MAD1L1: variants seen among roughly 807,000 people sequenced by gnomAD.
MAD1L1 encodes mitotic arrest deficient 1 like 1, also known as mitotic spindle assembly checkpoint protein MAD1.
In MAD1L1, 95 loss-of-function variants were observed where a neutral mutation model predicts 96.9. The observed-to-expected ratio is 0.98, with a 90% CI of 0.83 to 1.16. The LOEUF (loss-of-function observed/expected upper bound fraction) is 1.16, where lower values mean the gene tolerates loss of function less well. Ranked by LOEUF, MAD1L1 falls within the 50% of genes most tolerant of loss-of-function variation. The pLI is 0.00. For synonymous variants in MAD1L1, 473 were observed against 396.6 expected (o/e 1.19, Z -2.29); for missense variants, 1,007 against 954.4 (o/e 1.06, Z -0.73).
intron 15 of MAD1L1, among the ~76,000 whole-genome samples, chr7:1,975,999 C>G (rs1329369727): frequency 6.6e-6 from 1 of 152,202 alleles, no homozygotes; most frequent in Non-Finnish European, 1.5e-5. Flanking sequence ...CAGATTTGTT[C>G]TGGCTGAAAG....
At chr7:2,218,267 C>T (rs1184069009) in intron 6 of MAD1L1, among the ~76,000 whole-genome samples, 2 of 152,144 alleles carry the variant, frequency 1.3e-5, no homozygotes, top group Non-Finnish European at 2.9e-5. Flanking sequence ...GCTCTCAGGC[C>T]TCAGTCTGCT....
intron 12 of MAD1L1, among the ~76,000 whole-genome samples, chr7:2,045,457 G>C (rs1413851399): frequency 6.6e-6 from 1 of 152,202 alleles, no homozygotes; most frequent in African/African-American, 2.4e-5. Context: ...CCTCTCGGGA[G>C]CCCGCAGGGT....
At chr7:1,876,290 G>T (rs922801165) in intron 18 of MAD1L1, among the ~76,000 whole-genome samples, 1 of 152,056 alleles carries the variant, frequency 6.6e-6, no homozygotes, top group African/African-American at 2.4e-5. Context: ...AGGGCCTCAC[G>T]TGGTCAACTG....
intron 3 of MAD1L1, among the ~76,000 whole-genome samples, chr7:2,229,599 CTG>C (rs1396335711): frequency 6.6e-6 from 1 of 152,268 alleles, no homozygotes; most frequent in Non-Finnish European, 1.5e-5. Flanking sequence ...ACTCTCAGCA[CTG>C]TGTTTCCAAC....
Position 1,857,185 on chromosome 7 carries a change from G to A in MAD1L1, c.1999-40957C>T, listed in dbSNP as rs114142499. 4.9e-3 allele frequency among the ~76,000 whole-genome samples: 741 copies of A among 152,320 alleles called. 7 individuals carry two copies. Among genetic ancestry groups the A allele is most frequent in the African/African-American group, 0.016 (675 of 41,564 alleles). Reference sequence around the variant, plus strand: ...GGTTTCTTAGGCAAGAGCCGCGAGCGCGGACCGTACTGGCACCTTCCCGAG... The same window carrying A: ...GGTTTCTTAGGCAAGAGCCGCGAGCACGGACCGTACTGGCACCTTCCCGAG... On this transcript the variant is annotated intron_variant, in intron 18 of 18. Coordinates refer to ENST00000265854, the MANE Select transcript of MAD1L1 (RefSeq NM_001013836.2).
rs1164343906 is a variant in MAD1L1, at chr7:1,936,760, C to T, written c.1734G>A (p.Met578Ile). Residue 578 changes from methionine (M) to isoleucine (I), a missense_variant, in exon 17 of 19, where the codon ATG becomes ATA. Transcript: ENST00000265854. The stretch of plus-strand genomic sequence containing the variant: ...CGGCTGGGACGGTGCCTCCTCTCTC[C>T]ATGGCGCGCAGGAGCCCGCGCAGTC... ...CERLRGLLRA[M>I]ERGGTVPADL... The T allele has an allele frequency of 6.4e-7, 1 of 1,571,146 alleles. No homozygotes were observed. Among genetic ancestry groups the T allele is most frequent in the Non-Finnish European group, 8.6e-7 (1 of 1,159,480 alleles).
At chr7:2,081,788 G>T (rs994948842) in intron 11 of MAD1L1, among the ~76,000 whole-genome samples, 1 of 152,252 alleles carries the variant, frequency 6.6e-6, no homozygotes, top group Non-Finnish European at 1.5e-5. Context: ...AGAGGGGAAG[G>T]CCGCCTGGCC....
At chr7:1,828,124 T>C (rs763610821) in intron 18 of MAD1L1, among the ~76,000 whole-genome samples, 21 of 152,030 alleles carry the variant, frequency 1.4e-4, no homozygotes, top group Non-Finnish European at 2.4e-4. Flanking sequence ...AAATGCCTAT[T>C]TTCCCACCTC....
intron 13 of MAD1L1, among the ~76,000 whole-genome samples, chr7:2,013,700 C>A (rs576928286): frequency 6.6e-6 from 1 of 152,262 alleles, no homozygotes; most frequent in African/African-American, 2.4e-5. Context: ...ACTGTGCCCA[C>A]GGAGAAGTGG....
chr7:1,907,868 C>A (rs968103833), intron 17 of MAD1L1, among the ~76,000 whole-genome samples: 2 of 152,142 alleles, frequency 1.3e-5, no homozygotes, highest in East Asian at 1.9e-4. Flanking sequence ...GGGGGCAGTG[C>A]GGTCTGGGCC....
chr7:1,863,902 G>C (rs1336608685), intron 18 of MAD1L1, among the ~76,000 whole-genome samples: 4 of 152,170 alleles, frequency 2.6e-5, no homozygotes, highest in African/African-American at 4.8e-5. Flanking sequence ...GCCTGGCCAA[G>C]ATGGTGAAAC....
At chr7:1,841,111 G>T (rs1033505428) in intron 18 of MAD1L1, among the ~76,000 whole-genome samples, 4 of 152,230 alleles carry the variant, frequency 2.6e-5, no homozygotes, top group African/African-American at 7.2e-5. Flanking sequence ...GGCTCTGGGG[G>T]TCCTGTTGGG....
chr7:1,932,346 C>G (rs1020282831), intron 17 of MAD1L1, among the ~76,000 whole-genome samples: 1 of 151,890 alleles, frequency 6.6e-6, no homozygotes, highest in African/African-American at 2.4e-5. Context: ...GTCTGCTCTG[C>G]GTGCCACAGC....
chr7:1,862,819 A>G (rs1419274299), intron 18 of MAD1L1, among the ~76,000 whole-genome samples: 2 of 152,278 alleles, frequency 1.3e-5, no homozygotes, highest in African/African-American at 4.8e-5. Flanking sequence ...AACAAACTCA[A>G]AAGAGACAAA....
At chr7:2,179,331 C>G (rs1026066036) in intron 10 of MAD1L1, among the ~76,000 whole-genome samples, 2 of 151,622 alleles carry the variant, frequency 1.3e-5, no homozygotes, top group African/African-American at 2.4e-5. Context: ...AATTTGAGAC[C>G]AGCCTGACCA....
intron 16 of MAD1L1, among the ~76,000 whole-genome samples, chr7:1,956,665 A>G (rs6954935): frequency 0.97 from 147,188 of 152,302 alleles, 71,223 homozygotes; most frequent in Middle Eastern, 1. Context: ...TGCCAACCCC[A>G]CGGTACCTGA....
intron 15 of MAD1L1, among the ~76,000 whole-genome samples, chr7:1,974,822 C>G (rs569477373): frequency 6.6e-6 from 1 of 152,252 alleles, no homozygotes; most frequent in African/African-American, 2.4e-5. Flanking sequence ...CAGGCCCCGG[C>G]CAGAGTGTTC....
intron 11 of MAD1L1, among the ~76,000 whole-genome samples, chr7:2,116,870 G>A (rs531151585): frequency 1.3e-5 from 2 of 152,340 alleles, no homozygotes; most frequent in South Asian, 2.1e-4. Context: ...CAAAGTCCCA[G>A]GAGATCCTGA....
At chr7:2,071,645 G>A (rs1785133514) in intron 11 of MAD1L1, among the ~76,000 whole-genome samples, 1 of 152,136 alleles carries the variant, frequency 6.6e-6, no homozygotes, top group Admixed American at 6.5e-5. Context: ...AAGGAGAGGG[G>A]CTGAAGGCTG....
Sources: allele counts gnomAD v4.1 joint callset (sites outside exome capture counted in the v4.1 genomes callset), GRCh38; gene constraint gnomAD v4.1.1; transcripts MANE v1.5; gene names NCBI Gene and HGNC (gene_info 2026-07-23, HGNC 2026-07-21).